The following HOMER2 variants were observed in gnomAD, a reference collection of about 807,000 sequenced individuals.
HOMER2 encodes the protein homer scaffold protein 2, also known as homer protein homolog 2.
In HOMER2, 27 loss-of-function variants were observed where a neutral mutation model predicts 47.0. The observed-to-expected ratio is 0.57, with a 90% CI of 0.42 to 0.79. HOMER2 has a LOEUF of 0.79. Ranked by LOEUF, HOMER2 falls within the 30% of genes least tolerant of loss-of-function variation. The pLI is 0.00. For missense variants in HOMER2, 443 were observed against 435.0 expected, an observed-to-expected ratio of 1.02 and a Z score of -0.16; for synonymous variants, 161 against 163.8, an observed-to-expected ratio of 0.98 and a Z score of 0.13.
chr15:82,855,335 A>AAAAG (rs2051545190), intron 5 of HOMER2, among the ~76,000 whole-genome samples: 1 of 149,676 alleles, frequency 6.7e-6, no homozygotes. Context: ...CAAAAAAAAA[A>AAAAG]AAAAAAAAAA....
chr15:82,845,217 TTCACACACAC>T (rs2051222460), downstream of HOMER2: 1 of 89,146 alleles, frequency 1.1e-5, no homozygotes, highest in Non-Finnish European at 2.2e-5. Flanking sequence ...TTGCTGTTTC[TTCACACACAC>T]ACACACACAC....
At chr15:82,880,861 G>A (rs2052500323) in intron 2 of HOMER2, among the ~76,000 whole-genome samples, 1 of 152,200 alleles carries the variant, frequency 6.6e-6, no homozygotes, top group South Asian at 2.1e-4. Context: ...AGCAGGTGAA[G>A]GAGTTGGCAG....
intron 1 of HOMER2, among the ~76,000 whole-genome samples, chr15:82,973,725 C>T (rs2030093564): frequency 6.6e-6 from 1 of 152,188 alleles, no homozygotes; most frequent in Non-Finnish European, 1.5e-5. Context: ...AACTGAGGCT[C>T]AGAGAAGAAT....
chr15:82,905,181 C>T (rs548519563), intron 1 of HOMER2, among the ~76,000 whole-genome samples: 4 of 151,896 alleles, frequency 2.6e-5, no homozygotes, highest in Middle Eastern at 6.8e-3. Flanking sequence ...GAGGAAAGAA[C>T]CTTTCTCAGT....
intron 1 of HOMER2, among the ~76,000 whole-genome samples, chr15:82,912,661 G>A (rs928232672): frequency 6.6e-6 from 1 of 152,172 alleles, no homozygotes; most frequent in African/African-American, 2.4e-5. Context: ...TTGAGGAACC[G>A]TCAGGCTGGC....
At chr15:82,881,083 C>T (rs1596321780) in intron 2 of HOMER2, among the ~76,000 whole-genome samples, 1 of 152,316 alleles carries the variant, frequency 6.6e-6, no homozygotes, top group East Asian at 1.9e-4. Flanking sequence ...TAAAGCACCC[C>T]AGGCATAAGC....
In HOMER2 at chr15:82,852,172, C is replaced by T. The variant is rs200675187; in HGVS notation, c.732G>A (p.Glu244=). Residue 244 remains glutamate (E), a synonymous_variant, in exon 7 of 9, where the codon GAG becomes GAA. Coordinates refer to ENST00000450735, the MANE Select transcript of HOMER2 (RefSeq NM_004839.4). Reference sequence around the variant, plus strand: ...CCTTTTCTCGGAGCTCTGCCTCCAGCTCCTCGATCCTCCTCTTCAGCTGCG... The same window carrying T: ...CCTTTTCTCGGAGCTCTGCCTCCAGTTCCTCGATCCTCCTCTTCAGCTGCG... ...KNTQLKRRIE[E]LEAELREKET... The T allele has an allele frequency of 1.9e-4, 301 of 1,613,872 alleles. No homozygotes were observed. The highest frequency in any genetic ancestry group is 2.5e-4 in the Non-Finnish European group (295 of 1,179,772).
chr15:82,941,183 C>T (rs1260242600), intron 1 of HOMER2, among the ~76,000 whole-genome samples: 1 of 152,000 alleles, frequency 6.6e-6, no homozygotes, highest in Non-Finnish European at 1.5e-5. Context: ...GTGGCTCACA[C>T]CTGTAATCCC....
At chr15:82,876,777 A>G (rs1378846196) in intron 2 of HOMER2, among the ~76,000 whole-genome samples, 1 of 152,240 alleles carries the variant, frequency 6.6e-6, no homozygotes, top group East Asian at 1.9e-4. Flanking sequence ...AAAAAGTTTG[A>G]ATGGCATAGG....
intron 1 of HOMER2, among the ~76,000 whole-genome samples, chr15:82,944,847 T>C (rs2054340928): frequency 6.6e-6 from 1 of 152,124 alleles, no homozygotes; most frequent in African/African-American, 2.4e-5. Context: ...GAATTCTCTT[T>C]GAAGGAGGGG....
At chr15:82,837,927 G>C (rs1232801361) in exon 2 of HOMER2, 3 of 152,262 alleles carry the variant, frequency 2.0e-5, no homozygotes, top group Non-Finnish European at 4.4e-5. Flanking sequence ...CGATGGAAGA[G>C]GCACAAGTCC....
chr15:82,964,299 A>C lies in HOMER2; in HGVS notation n.83-4991T>G, dbSNP rs542224472. Reference sequence around the variant, plus strand: ...CCCTGCCTACATATGGCACAATTGTATCATCACCACTCCCTTCCTAAAACT... The same window carrying C: ...CCCTGCCTACATATGGCACAATTGTCTCATCACCACTCCCTTCCTAAAACT... On this transcript the variant is annotated intron_variant and non_coding_transcript_variant, in intron 1 of 1. Transcript: ENST00000500334. Among the ~76,000 whole-genome samples the C allele has an allele frequency of 2.6e-5, 4 of 152,332 alleles. No individual in the cohort carries two copies. In the East Asian group the frequency reaches 7.7e-4, roughly 29 times the overall value.
At chr15:82,855,311 C>T (rs1333333213) in intron 5 of HOMER2, among the ~76,000 whole-genome samples, 3 of 111,826 alleles carry the variant, frequency 2.7e-5, no homozygotes, top group South Asian at 3.0e-4. Flanking sequence ...GGCGACAGAG[C>T]GAGACTCCAT....
chr15:82,869,482 A>G lies in HOMER2; in HGVS notation c.295-5223T>C, dbSNP rs542937713. 1.5e-4 allele frequency among the ~76,000 whole-genome samples: 13 copies of G among 84,422 alleles called. No homozygotes were observed. In the Admixed American group the frequency reaches 1.7e-3, roughly 11 times the overall value. The allele number at this position is 84,422 out of a possible 152,430, so 55.4% of individuals were successfully genotyped here. On this transcript the variant is annotated intron_variant, in intron 3 of 8. Transcript: ENST00000450735. ...TTTTTTTTTTTTTTTTTTTTGAGAC[A>G]GAGTCTCACTCTGTTACCCAGGCTG...
At chr15:82,953,933 G>A (rs2151245104), upstream of HOMER2, among the ~76,000 whole-genome samples, 1 of 151,872 alleles carries the variant, frequency 6.6e-6, no homozygotes, top group East Asian at 1.9e-4. Context: ...GGGTGTGGTG[G>A]CGTGCTCCTG....
At chr15:82,907,825 T>G (rs1469948317) in intron 1 of HOMER2, among the ~76,000 whole-genome samples, 1 of 152,106 alleles carries the variant, frequency 6.6e-6, no homozygotes, top group Non-Finnish European at 1.5e-5. Context: ...TTAATAGGAG[T>G]GGCCAAAAAG....
intron 1 of HOMER2, among the ~76,000 whole-genome samples, chr15:82,971,492 AT>A (rs111854365): frequency 1.3e-5 from 2 of 151,246 alleles, no homozygotes; most frequent in East Asian, 1.9e-4. Flanking sequence ...TAAGGGTATC[AT>A]TTTTTTTTCT....
chr15:82,888,951 C>A (rs1423068138), intron 2 of HOMER2, among the ~76,000 whole-genome samples: 1 of 152,202 alleles, frequency 6.6e-6, no homozygotes, highest in African/African-American at 2.4e-5. Context: ...CACATCCACT[C>A]CTTCCCTGGG....
At chr15:82,904,592 A>G (rs2053233076) in intron 1 of HOMER2, among the ~76,000 whole-genome samples, 1 of 152,174 alleles carries the variant, frequency 6.6e-6, no homozygotes, top group Admixed American at 6.5e-5. Flanking sequence ...ACCAGGGCCC[A>G]ATCAGCTGGG....
Sources: allele counts gnomAD v4.1 joint callset (sites outside exome capture counted in the v4.1 genomes callset), GRCh38; gene constraint gnomAD v4.1.1; transcripts MANE v1.5; gene names NCBI Gene and HGNC (gene_info 2026-07-23, HGNC 2026-07-21).